The following DRAXIN variants were observed in gnomAD, a reference collection of about 807,000 sequenced individuals.
DRAXIN encodes the protein dorsal inhibitory axon guidance protein.
Under a neutral mutation model 33.9 loss-of-function variants are expected in DRAXIN, and 27 were observed. That is an observed-to-expected ratio of 0.80 (90% CI 0.59 to 1.10). The LOEUF (loss-of-function observed/expected upper bound fraction) is 1.10, where lower values mean the gene tolerates loss of function less well. Ranked by LOEUF, DRAXIN falls within the 50% of genes least tolerant of loss-of-function variation. The pLI is 0.00. For synonymous variants in DRAXIN, 178 were observed against 194.0 expected, an observed-to-expected ratio of 0.92 and a Z score of 0.69; for missense variants, 371 against 460.8, an observed-to-expected ratio of 0.81 and a Z score of 1.78.
In DRAXIN at chr1:11,694,251, A is replaced by G. The variant is rs1004239367; in HGVS notation, c.-11+2398A>G. Among the ~76,000 whole-genome samples, 20 of 151,958 alleles carry G rather than the reference A, an allele frequency of 1.3e-4. No homozygotes were observed. Among genetic ancestry groups the G allele is most frequent in the African/African-American group, 4.6e-4 (19 of 41,364 alleles). On this transcript the variant is annotated intron_variant, in intron 1 of 6. Coordinates refer to ENST00000294485, the MANE Select transcript of DRAXIN (RefSeq NM_198545.4). The surrounding 1 kb of genome is among the most constrained non-coding windows in gnomAD (Gnocchi z 4.9). The stretch of plus-strand genomic sequence containing the variant: ...GTGCACACCTGTTATATTGAATGTG[A>G]TTCCTGGTCAAAGGCACAGGAATGA...
In DRAXIN at chr1:11,706,682, C is replaced by T. The variant is rs774730602; in HGVS notation, c.424C>T (p.Arg142Cys). 44 of 1,591,106 alleles carry T rather than the reference C, an allele frequency of 2.8e-5. 1 individual carries two copies. The highest frequency in any genetic ancestry group is 9.4e-5 in the African/African-American group (7 of 74,618). ...TRKRSREHKR[R>C]RDRLRLHQGR... ...GAAACGCAGCAGGGAGCACAAGAGA[C>T]GCAGGGACAGGTTGAGGCTGCACCA... is the stretch of plus-strand genomic sequence containing the variant. Residue 142 changes from arginine to cysteine, a missense_variant, in exon 2 of 7, where the codon CGC (arginine) becomes TGC (cysteine). Transcript: ENST00000294485. The surrounding 1 kb of genome is among the most constrained non-coding windows in gnomAD (Gnocchi z 5.5).
At chr1:11,697,456 G>A (rs1242816830) in intron 1 of DRAXIN, among the ~76,000 whole-genome samples, 1 of 152,220 alleles carries the variant, frequency 6.6e-6, no homozygotes, top group Non-Finnish European at 1.5e-5. Flanking sequence ...CTAGATGGGA[G>A]GCTTCCCCAG....
At chr1:11,695,469 C>T (rs1641176115) in intron 1 of DRAXIN, among the ~76,000 whole-genome samples, 1 of 151,722 alleles carries the variant, frequency 6.6e-6, no homozygotes, top group African/African-American at 2.4e-5. Context: ...GCCTATAATC[C>T]CAGCTACTTG....
rs566862229 is a variant in DRAXIN at position 11,724,768 on chromosome 1, G to C, written c.*5072G>C. 1 of 152,520 alleles carries C rather than the reference G, an allele frequency of 6.6e-6. No individual in the cohort carries two copies. Among genetic ancestry groups the C allele is most frequent in the African/African-American group, 2.4e-5 (1 of 41,590 alleles). 9.4% of individuals were successfully genotyped at this position (152,520 alleles called of 1,614,324 possible). A position where few individuals can be genotyped will look rare whatever the true frequency, so the allele number is the denominator to read the frequency against. On this transcript the variant is annotated 3_prime_UTR_variant, in exon 7 of 7. Transcript: ENST00000294485. ...ATGGTGCTAGGAGAGACAGTGGAGA[G>C]GCCAGAGAAGCAAACCACTGTGGCT...
chr1:11,719,826 A>C lies in DRAXIN; in HGVS notation c.*130A>C. 2.3e-6 allele frequency: 2 copies of C among 856,834 alleles called. No individual in the cohort carries two copies. The highest frequency in any genetic ancestry group is 1.8e-6 in the Non-Finnish European group (1 of 540,804). The allele number at this position is 856,834 out of a possible 1,614,324, so 53.1% of individuals were successfully genotyped here. A position where few individuals can be genotyped will look rare whatever the true frequency, so the allele number is the denominator to read the frequency against. On this transcript the variant is annotated 3_prime_UTR_variant, in exon 7 of 7. Transcript: ENST00000294485. ...TGCAGACTCAGGCCCAGGACACTCA[A>C]CCCCAGGAGGGGAGCCGCTCGGCGA...
chr1:11,712,259 G>T (rs1428780889), intron 4 of DRAXIN, 81 bp from the exon 5 acceptor site: 2 of 1,498,424 alleles, frequency 1.3e-6, no homozygotes, highest in Non-Finnish European at 1.9e-6. Context: ...GGTGGTATGG[G>T]CACTCCAACA....
intron 1 of DRAXIN, among the ~76,000 whole-genome samples, chr1:11,693,791 G>A (rs763229977): frequency 2.6e-5 from 4 of 152,060 alleles, no homozygotes; most frequent in Admixed American, 6.6e-5. Flanking sequence ...TGCTCTCTCC[G>A]CTGCCTTCCT....
Position 11,711,765 on chromosome 1 carries a change from C to CT in DRAXIN, c.643-80dup, listed in dbSNP as rs903617514. ...GGATAAGGTGGCCTCTGAGAAGCCT[C>CT]TTTTTTGTCCTCTGACCTTGGGACT... On this transcript the variant is annotated intron_variant, in intron 3 of 6. Coordinates refer to ENST00000294485, the MANE Select transcript of DRAXIN (RefSeq NM_198545.4). The CT allele has an allele frequency of 2.3e-6, 3 of 1,325,746 alleles. No individual in the cohort carries two copies. In the African/African-American group the frequency reaches 4.4e-5, roughly 19 times the overall value. The allele number at this position is 1,325,746 out of a possible 1,614,324, so 82.1% of individuals were successfully genotyped here.
chr1:11,695,170 G>A (rs2100728987), intron 1 of DRAXIN, among the ~76,000 whole-genome samples: 1 of 152,308 alleles, frequency 6.6e-6, no homozygotes, highest in South Asian at 2.1e-4. Flanking sequence ...TCAGATGGCT[G>A]TGGGTTCGAA....
rs33944685 is a variant in DRAXIN at position 11,702,619 on chromosome 1, T to TAC, written c.-10-3618_-10-3617dup. ...TATTCACGCTTACACATGATCATAGTACACACACACACATGCTCACACATG... is the reference window on the plus strand; with the variant it reads ...TATTCACGCTTACACATGATCATAGTACACACACACACACATGCTCACACATG... On this transcript the variant is annotated intron_variant, in intron 1 of 6. Transcript: ENST00000294485. 5.3e-5 allele frequency among the ~76,000 whole-genome samples: 8 copies of TAC among 150,392 alleles called. No individual in the cohort carries two copies. In the South Asian group the frequency reaches 6.3e-4, roughly 12 times the overall value.
intron 1 of DRAXIN, among the ~76,000 whole-genome samples, chr1:11,702,653 A>C (rs150216635): frequency 1.4e-4 from 21 of 151,470 alleles, no homozygotes; most frequent in Non-Finnish European, 2.8e-4. Flanking sequence ...TGCTCCACAC[A>C]CACGTCATGC....
Position 11,706,277 on chromosome 1 carries a change from C to A in DRAXIN, c.19C>A (p.His7Asn). Reference protein sequence around the residue: MAGPAIHTAPMLFLVLL... With the variant: MAGPAINTAPMLFLVLL... ...GGAGCCAATGGCTGGGCCTGCCATC[C>A]ACACCGCTCCCATGCTGTTCCTCGT... Residue 7 changes from histidine to asparagine, a missense_variant, in exon 2 of 7, where the codon CAC becomes AAC. Coordinates refer to ENST00000294485, the MANE Select transcript of DRAXIN (RefSeq NM_198545.4). The surrounding 1 kb of genome is among the most constrained non-coding windows in gnomAD (Gnocchi z 5.5). The A allele has an allele frequency of 6.2e-7, 1 of 1,602,188 alleles. No homozygotes were observed.
intron 1 of DRAXIN, among the ~76,000 whole-genome samples, chr1:11,699,884 G>T (rs764099088): frequency 6.6e-6 from 1 of 151,926 alleles, no homozygotes; most frequent in East Asian, 1.9e-4. Context: ...CCGAGATGGC[G>T]CCACTGCACT....
In DRAXIN at chr1:11,712,390, G is replaced by C. The variant is rs758315246; in HGVS notation, c.808G>C (p.Glu270Gln). 2 of 1,614,028 alleles carry C rather than the reference G, an allele frequency of 1.2e-6. No individual in the cohort carries two copies. The highest frequency in any genetic ancestry group is 1.7e-6 in the Non-Finnish European group (2 of 1,179,970). ...SSDGNETSPA[E>Q]GEPCDHHQDC... ...TGATGGTAACGAAACATCACCAGCC[G>C]AAGGGGAACCATGCGACCATCACCA... Residue 270 changes from glutamate to glutamine, a missense_variant, in exon 5 of 7, where the codon GAA (glutamate) becomes CAA (glutamine). By Grantham distance (29) the Glu-to-Gln change is conservative. Coordinates refer to ENST00000294485, the MANE Select transcript of DRAXIN (RefSeq NM_198545.4).
Position 11,692,369 on chromosome 1 carries a change from C to T in DRAXIN, c.-11+516C>T, listed in dbSNP as rs193298525. Among the ~76,000 whole-genome samples the T allele has an allele frequency of 1.7e-4, 26 of 152,316 alleles. No individual in the cohort carries two copies. The highest frequency in any genetic ancestry group is 3.4e-4 in the Non-Finnish European group (23 of 68,022). ...TGCCCTCCAGCCCCTTTCGAGGCCG[C>T]CCAGGAGGCTGGGGTGTGTGGCCGG... On this transcript the variant is annotated intron_variant, in intron 1 of 6. Transcript: ENST00000294485. This position sits in a 1 kb window ranked among gnomAD's most constrained non-coding sequence, Gnocchi z 5.8.
At chr1:11,711,767 T>C in intron 3 of DRAXIN, 84 bp from the exon 4 acceptor site, 1 of 1,335,852 alleles carries the variant, frequency 7.5e-7, no homozygotes, top group Middle Eastern at 1.8e-4. Flanking sequence ...AGAAGCCTCT[T>C]TTTTGTCCTC....
Position 11,692,423 on chromosome 1 carries a change from C to T in DRAXIN, c.-11+570C>T, listed in dbSNP as rs1351211493. On this transcript the variant is annotated intron_variant, in intron 1 of 6. Coordinates refer to ENST00000294485, the MANE Select transcript of DRAXIN (RefSeq NM_198545.4). The surrounding 1 kb of genome is among the most constrained non-coding windows in gnomAD (Gnocchi z 5.8). ...CGCTGAGTGCGCCCGGAACCAGCAC[C>T]GCCGGTGGCCCCGCGCCGTCCCATC... Among the ~76,000 whole-genome samples, 7 of 152,162 alleles carry T rather than the reference C, an allele frequency of 4.6e-5. No homozygotes were observed. In the East Asian group the frequency reaches 1.4e-3, roughly 29 times the overall value.
chr1:11,703,089 TG>T, intron 1 of DRAXIN, among the ~76,000 whole-genome samples: 1 of 152,344 alleles, frequency 6.6e-6, no homozygotes, highest in South Asian at 2.1e-4. Context: ...TTCTGATCCA[TG>T]GCTACCAGCG....
At chr1:11,701,027 A>G (rs1641265732) in intron 1 of DRAXIN, among the ~76,000 whole-genome samples, 1 of 152,148 alleles carries the variant, frequency 6.6e-6, no homozygotes, top group Non-Finnish European at 1.5e-5. Context: ...GGCTCGATTC[A>G]TCGCCTTCGT....
Sources: allele counts gnomAD v4.1 joint callset (sites outside exome capture counted in the v4.1 genomes callset), GRCh38; gene constraint gnomAD v4.1.1; non-coding constraint Gnocchi (gnomAD v3.1); transcripts MANE v1.5; gene names NCBI Gene and HGNC (gene_info 2026-07-23, HGNC 2026-07-21).